The following SPOCK1 variants were observed in gnomAD, a reference collection of about 807,000 sequenced individuals.
SPOCK1 encodes the protein testican-1.
A neutral mutation model predicts 55.3 loss-of-function variants in SPOCK1; 23 were observed. The ratio of observed to expected loss-of-function variants is 0.42; its 90% CI spans 0.30 to 0.59. SPOCK1 has a LOEUF of 0.59. SPOCK1 is among the 20% of genes least tolerant of loss of function. SPOCK1 has a pLI of 0.22. For synonymous variants in SPOCK1, 226 were observed against 221.0 expected (o/e 1.02, Z -0.20); for missense variants, 499 against 552.5 (o/e 0.90, Z 0.97).
chr5:137,274,896 A>T (rs2127121622), intron 2 of SPOCK1, among the ~76,000 whole-genome samples: 1 of 152,352 alleles, frequency 6.6e-6, no homozygotes, highest in African/African-American at 2.4e-5. Context: ...CCATCTATTA[A>T]AAAAGACAAT....
In SPOCK1 at chr5:137,253,828, C is replaced by T. The variant is rs186054125; in HGVS notation, c.232+13182G>A. On this transcript the variant is annotated intron_variant, in intron 3 of 10. Transcript: ENST00000394945. ...CTCCCTGTGAGCAACCTACAAATAT[C>T]CAGGTATGGCTATTATGTCTGAAGG... Among the ~76,000 whole-genome samples, 17 of 152,318 alleles carry T rather than the reference C, an allele frequency of 1.1e-4. No homozygotes were observed. In the East Asian group the frequency reaches 3.1e-3, roughly 28 times the overall value.
chr5:137,073,674 CT>C (rs201676207), intron 5 of SPOCK1, among the ~76,000 whole-genome samples: 178 of 146,404 alleles, frequency 1.2e-3, no homozygotes, highest in South Asian at 0.01. Flanking sequence ...GAGGAAAATG[CT>C]TTTTTTTTTT....
chr5:137,393,085 C>T (rs888729006), intron 2 of SPOCK1, among the ~76,000 whole-genome samples: 1 of 152,134 alleles, frequency 6.6e-6, no homozygotes, highest in South Asian at 2.1e-4. Flanking sequence ...TCTGCCCACC[C>T]CCTGCATCTA....
At chr5:137,265,015 T>C (rs944179342) in intron 3 of SPOCK1, among the ~76,000 whole-genome samples, 1 of 152,158 alleles carries the variant, frequency 6.6e-6, no homozygotes, top group African/African-American at 2.4e-5. Flanking sequence ...CAGACCCAGT[T>C]TTCAAGCCTG....
chr5:137,211,769 T>C (rs1251397750), intron 3 of SPOCK1, among the ~76,000 whole-genome samples: 1 of 152,128 alleles, frequency 6.6e-6, no homozygotes, highest in Non-Finnish European at 1.5e-5. Context: ...GCCTATGTAA[T>C]GGAGCTTCCA....
intron 3 of SPOCK1, among the ~76,000 whole-genome samples, chr5:137,218,208 G>A (rs749377488): frequency 6.6e-6 from 1 of 152,224 alleles, no homozygotes; most frequent in Admixed American, 6.5e-5. Context: ...AGGAAGCACA[G>A]CTTGTTAGTG....
chr5:137,021,984 A>T (rs932992070), intron 6 of SPOCK1, among the ~76,000 whole-genome samples: 1 of 152,200 alleles, frequency 6.6e-6, no homozygotes, highest in Admixed American at 6.5e-5. Flanking sequence ...TATATTTTCA[A>T]AATATGCTCT....
chr5:137,416,779 CTT>C (rs1049820367), intron 2 of SPOCK1, among the ~76,000 whole-genome samples: 6 of 152,114 alleles, frequency 3.9e-5, no homozygotes, highest in African/African-American at 1.2e-4. Flanking sequence ...CATTGCCAGA[CTT>C]TTAAATGTTA....
chr5:137,259,175 A>C (rs547484707), intron 3 of SPOCK1, among the ~76,000 whole-genome samples: 126 of 152,322 alleles, frequency 8.3e-4, no homozygotes, highest in Middle Eastern at 3.4e-3. Context: ...TTCTACTATA[A>C]AGACACATGC....
chr5:137,102,538 C>T (rs973828448), intron 5 of SPOCK1, among the ~76,000 whole-genome samples: 1 of 152,102 alleles, frequency 6.6e-6, no homozygotes, highest in Non-Finnish European at 1.5e-5. Context: ...TCTTTTATGC[C>T]AGTAACTGTC....
At chr5:137,275,024 C>T (rs367947093) in intron 2 of SPOCK1, among the ~76,000 whole-genome samples, 1 of 152,184 alleles carries the variant, frequency 6.6e-6, no homozygotes, top group African/African-American at 2.4e-5. Flanking sequence ...TTAACTATAT[C>T]CTGATAAGGG....
chr5:137,001,935 T>A (rs910166324), intron 6 of SPOCK1, among the ~76,000 whole-genome samples: 1 of 152,238 alleles, frequency 6.6e-6, no homozygotes, highest in Non-Finnish European at 1.5e-5. Context: ...CAGAGATCTT[T>A]GAGCCAGGTT....
chr5:137,208,918 AAAGG>A (rs1191254479), intron 3 of SPOCK1, among the ~76,000 whole-genome samples: 1 of 151,900 alleles, frequency 6.6e-6, no homozygotes, highest in Non-Finnish European at 1.5e-5. Context: ...TTTATGGAGT[AAAGG>A]AAGGAACACA....
intron 6 of SPOCK1, among the ~76,000 whole-genome samples, chr5:137,018,473 G>C (rs1751494360): frequency 6.6e-6 from 1 of 152,026 alleles, no homozygotes; most frequent in African/African-American, 2.4e-5. Flanking sequence ...CCTCCCTCAG[G>C]TATCTCATAT....
At chr5:137,243,668 C>A (rs1242487343) in intron 3 of SPOCK1, among the ~76,000 whole-genome samples, 1 of 152,136 alleles carries the variant, frequency 6.6e-6, no homozygotes, top group Non-Finnish European at 1.5e-5. Context: ...GGAAAAATGC[C>A]ATAATTTAAG....
intron 3 of SPOCK1, among the ~76,000 whole-genome samples, chr5:137,251,886 T>C (rs749321219): frequency 3.9e-5 from 6 of 152,238 alleles, no homozygotes; most frequent in Admixed American, 6.5e-5. Flanking sequence ...ATACATACTC[T>C]GACATAATTA....
intron 3 of SPOCK1, among the ~76,000 whole-genome samples, chr5:137,162,864 A>G (rs1349661690): frequency 6.6e-6 from 1 of 152,212 alleles, no homozygotes; most frequent in Non-Finnish European, 1.5e-5. Flanking sequence ...ACATGTCCCT[A>G]AAGAATCTCC....
At chr5:137,261,602 C>T (rs1756744156) in intron 3 of SPOCK1, among the ~76,000 whole-genome samples, 1 of 152,202 alleles carries the variant, frequency 6.6e-6, no homozygotes, top group Non-Finnish European at 1.5e-5. Flanking sequence ...AGATCAATTT[C>T]TACAAGTTCA....
At chr5:137,447,522 A>T (rs565450646) in intron 2 of SPOCK1, among the ~76,000 whole-genome samples, 244 of 152,348 alleles carry the variant, frequency 1.6e-3, no homozygotes, top group Non-Finnish European at 2.9e-3. Context: ...GTTTTGAAAT[A>T]AATCGGTATT....
Sources: gnomAD v4.1 joint callset for allele counts (sites outside exome capture counted in the v4.1 genomes callset) on GRCh38, gnomAD v4.1.1 for gene constraint, MANE v1.5 for transcripts, NCBI Gene and HGNC (gene_info 2026-07-23, HGNC 2026-07-21) for gene names.